Variants in PATJ observed in about 807,000 individuals in gnomAD.
PATJ encodes the protein PATJ crumbs cell polarity complex component.
PATJ carries 190 observed loss-of-function variants against 224.9 expected under a neutral mutation model. That is an observed-to-expected ratio of 0.84 (90% CI 0.75 to 0.95). The LOEUF (loss-of-function observed/expected upper bound fraction) is 0.95, where lower values mean the gene tolerates loss of function less well. Among genes scored for constraint, PATJ ranks in the 40% least tolerant of loss-of-function variants. PATJ has a pLI of 0.00. For missense variants in PATJ, 2,121 were observed against 2,270.3 expected (o/e 0.93, Z 1.34); for synonymous variants, 769 against 820.3 (o/e 0.94, Z 1.07).
intron 31 of PATJ, among the ~76,000 whole-genome samples, chr1:62,052,057 G>A (rs1461940006): frequency 6.6e-6 from 1 of 152,088 alleles, no homozygotes; most frequent in Admixed American, 6.6e-5. Context: ...CTGTTTTGTA[G>A]CCCAGCACTT....
Position 61,992,114 on chromosome 1 carries a change from A to ACTCTTTTT in PATJ, c.3867+1750_3867+1751insCTCTTTTT, listed in dbSNP as rs1370780986. On this transcript the variant is annotated intron_variant, in intron 28 of 43. Coordinates refer to ENST00000642238, the MANE Select transcript of PATJ (RefSeq NM_001350145.3). ...TAAAGTATACTATGTTCCCTGTGGGATTCTTTTTTTTTTTTTTTTTGAGAC... is the reference window on the plus strand; with the variant it reads ...TAAAGTATACTATGTTCCCTGTGGGACTCTTTTTTTCTTTTTTTTTTTTTTTTTGAGAC... Among the ~76,000 whole-genome samples, 2 of 131,834 alleles carry ACTCTTTTT rather than the reference A, an allele frequency of 1.5e-5. 1 individual carries two copies. Among genetic ancestry groups the ACTCTTTTT allele is most frequent in the Non-Finnish European group, 3.2e-5 (2 of 63,116 alleles). The allele number at this position is 131,834 out of a possible 152,430, so 86.5% of individuals were successfully genotyped here.
chr1:61,878,682 TAA>T (rs1229569830), intron 21 of PATJ, among the ~76,000 whole-genome samples: 4 of 139,008 alleles, frequency 2.9e-5, no homozygotes, highest in African/African-American at 2.6e-5. Context: ...CATCTCTATT[TAA>T]AAAAAAAAAA....
intron 30 of PATJ, among the ~76,000 whole-genome samples, chr1:62,045,204 A>G (rs554223552): frequency 9.2e-5 from 14 of 152,122 alleles, no homozygotes; most frequent in Admixed American, 8.5e-4. Context: ...CTGGGCAACA[A>G]CCGTGAAACT....
At chr1:62,062,154 A>C (rs1277276978) in intron 31 of PATJ, among the ~76,000 whole-genome samples, 1 of 152,132 alleles carries the variant, frequency 6.6e-6, no homozygotes, top group Non-Finnish European at 1.5e-5. Flanking sequence ...TAGTTCTTTG[A>C]GAAATCTCTA....
intron 25 of PATJ, among the ~76,000 whole-genome samples, chr1:61,914,031 AT>A (rs1259088891): frequency 6.6e-6 from 1 of 152,208 alleles, no homozygotes; most frequent in African/African-American, 2.4e-5. Context: ...ACTTTATAAT[AT>A]TTTAGAGTTA....
chr1:61,860,445 G>A (rs890981290), intron 18 of PATJ, among the ~76,000 whole-genome samples: 4 of 152,162 alleles, frequency 2.6e-5, no homozygotes, highest in Non-Finnish European at 5.9e-5. Context: ...ACAGCTATGG[G>A]TTTTTGCTTA....
At chr1:62,085,658 AT>A (rs1473967272) in intron 33 of PATJ, among the ~76,000 whole-genome samples, 2 of 151,482 alleles carry the variant, frequency 1.3e-5, no homozygotes, top group Admixed American at 6.6e-5. Flanking sequence ...TACAAAGAAA[AT>A]TTTTTTTAAA....
At chr1:61,884,445 A>T (rs1668525326) in intron 22 of PATJ, 37 bp downstream of exon 22, 5 of 1,166,454 alleles carry the variant, frequency 4.3e-6, no homozygotes, top group Non-Finnish European at 4.5e-6. Context: ...ACATTATAAA[A>T]TAGTGGTTTT....
intron 17 of PATJ, among the ~76,000 whole-genome samples, chr1:61,843,002 T>C (rs1279919037): frequency 6.6e-6 from 1 of 152,174 alleles, no homozygotes; most frequent in African/African-American, 2.4e-5. Context: ...GGTGTGATGA[T>C]TTGTGCTCCT....
chr1:61,861,280 CTTTCTTTT>C (rs1179647647), intron 18 of PATJ, among the ~76,000 whole-genome samples: 2 of 28,648 alleles, frequency 7.0e-5, no homozygotes, highest in Non-Finnish European at 1.6e-4. Flanking sequence ...TATTTTCTTT[CTTTCTTTT>C]TTTTTTTTTT....
At chr1:61,927,697 A>G (rs771120828) in intron 26 of PATJ, 33 bp from the exon 27 acceptor site, 2 of 1,337,026 alleles carry the variant, frequency 1.5e-6, no homozygotes, top group South Asian at 1.2e-5. Flanking sequence ...TACAAGAAGC[A>G]TTTAACCCTT....
chr1:61,945,212 A>G (rs1158313358), intron 27 of PATJ, among the ~76,000 whole-genome samples: 1 of 152,226 alleles, frequency 6.6e-6, no homozygotes, highest in Non-Finnish European at 1.5e-5. Context: ...ACAGGATCAA[A>G]TTCACACATA....
chr1:62,051,216 C>T (rs575220264), intron 31 of PATJ, among the ~76,000 whole-genome samples, 158 bp downstream of exon 31: 23 of 152,320 alleles, frequency 1.5e-4, no homozygotes, highest in African/African-American at 5.5e-4. Context: ...GACCCATTGA[C>T]TCTGAAGAAG....
chr1:61,845,330 G>A (rs1661760501), intron 17 of PATJ, among the ~76,000 whole-genome samples: 1 of 152,182 alleles, frequency 6.6e-6, no homozygotes, highest in South Asian at 2.1e-4. Flanking sequence ...CTGTGGTTTT[G>A]TCAGGTATAG....
intron 31 of PATJ, among the ~76,000 whole-genome samples, chr1:62,064,621 C>T (rs1656091391): frequency 6.6e-6 from 1 of 152,164 alleles, no homozygotes. Flanking sequence ...GCCACCGCGC[C>T]GGGCCTTCAT....
chr1:62,009,218 C>CTA (rs1049204158), intron 28 of PATJ, among the ~76,000 whole-genome samples: 3 of 151,898 alleles, frequency 2.0e-5, no homozygotes, highest in Non-Finnish European at 4.4e-5. Context: ...GGTAGTCAAC[C>CTA]TATATATATA....
At chr1:61,777,330 CA>C (rs1646969720) in intron 7 of PATJ, among the ~76,000 whole-genome samples, 1 of 152,026 alleles carries the variant, frequency 6.6e-6, no homozygotes, top group South Asian at 2.1e-4. Flanking sequence ...TTTGGGAAGC[CA>C]AGGTGGGAGG....
At chr1:62,158,447 C>T (rs1271870735) in intron 43 of PATJ, among the ~76,000 whole-genome samples, 26 of 148,108 alleles carry the variant, frequency 1.8e-4, no homozygotes, top group African/African-American at 5.4e-4. Context: ...AGGCCGGTCA[C>T]GGTGGCTCAC....
chr1:62,001,857 C>T (rs897242980), intron 28 of PATJ, among the ~76,000 whole-genome samples: 2 of 152,078 alleles, frequency 1.3e-5, no homozygotes, highest in African/African-American at 2.4e-5. Flanking sequence ...TCTTTTATTT[C>T]ATTGAGCAGT....
Sources: allele counts gnomAD v4.1 joint callset (sites outside exome capture counted in the v4.1 genomes callset), GRCh38; gene constraint gnomAD v4.1.1; transcripts MANE v1.5; gene names NCBI Gene and HGNC (gene_info 2026-07-23, HGNC 2026-07-21).